The following TRANK1 variants were observed in gnomAD, a reference collection of about 807,000 sequenced individuals.
TRANK1 encodes tetratricopeptide repeat and ankyrin repeat containing 1, also known as TPR and ankyrin repeat-containing protein 1.
A neutral mutation model predicts 266.0 loss-of-function variants in TRANK1; 198 were observed. The observed-to-expected ratio is 0.74, with a 90% CI of 0.66 to 0.84. The LOEUF (loss-of-function observed/expected upper bound fraction) is 0.84. Among genes scored for constraint, TRANK1 ranks in the 40% least tolerant of loss-of-function variants. The pLI is 0.00. For synonymous variants in TRANK1, 1,396 were observed against 1,384.1 expected, an observed-to-expected ratio of 1.01 and a Z score of -0.19; for missense variants, 3,326 against 3,634.6, an observed-to-expected ratio of 0.92 and a Z score of 2.18.
Position 36,856,516 on chromosome 3 carries a change from A to G in TRANK1, c.3206T>C (p.Leu1069Pro), listed in dbSNP as rs777917766. 1 of 1,614,002 alleles carries G rather than the reference A, an allele frequency of 6.2e-7. No individual in the cohort carries two copies. Among genetic ancestry groups the G allele is most frequent in the South Asian group, 1.1e-5 (1 of 91,082 alleles). ...TCGCCCAATAAGGATGATGGGCTCCAGTGGCCTGGGATTGAGGTCGATCAC... is the reference window on the plus strand; with the variant it reads ...TCGCCCAATAAGGATGATGGGCTCCGGTGGCCTGGGATTGAGGTCGATCAC... ...YAVIDLNPRP[L>P]EPIILIGRSG... Residue 1069 changes from leucine (L) to proline (P), a missense_variant, in exon 13 of 24, where the codon CTG becomes CCG. By Grantham distance (98) the Leu-to-Pro change is moderately conservative (BLOSUM62 -3). Coordinates refer to ENST00000645898, the MANE Select transcript of TRANK1 (RefSeq NM_001329998.2).
rs578238004 is a variant in TRANK1, at chr3:36,900,399, G to C, written c.283-1140C>G. ...TCTACATTATAAGCAATATTCACGA[G>C]AGGCCAAAGAAATATTTGATTTCTA... On this transcript the variant is annotated intron_variant, in intron 3 of 23. Coordinates refer to ENST00000645898, the MANE Select transcript of TRANK1 (RefSeq NM_001329998.2). Among the ~76,000 whole-genome samples the C allele has an allele frequency of 1.9e-4, 29 of 152,212 alleles. No individual in the cohort carries two copies. In the South Asian group the frequency reaches 3.5e-3, roughly 19 times the overall value.
chr3:36,893,078 TA>T (rs201726297), intron 5 of TRANK1, 94 bp from the exon 6 acceptor site: 56 of 442,470 alleles, frequency 1.3e-4, no homozygotes, highest in Admixed American at 3.2e-4. Context: ...AACAAGCAAA[TA>T]AAAAAAAACC....
intron 8 of TRANK1, 65 bp downstream of exon 8, chr3:36,889,764 T>C (rs2079659976): frequency 2.0e-6 from 3 of 1,474,200 alleles, no homozygotes; most frequent in Non-Finnish European, 2.7e-6. Flanking sequence ...CAGTCGGTGG[T>C]GTGGGTCCTC....
chr3:36,897,049 C>T (rs1012503403), intron 4 of TRANK1, among the ~76,000 whole-genome samples: 6 of 152,096 alleles, frequency 3.9e-5, no homozygotes, highest in South Asian at 4.2e-4. Context: ...AGGCTGTAAT[C>T]CCAGCACTTT....
chr3:36,882,354 C>G (rs1575256975), intron 8 of TRANK1, among the ~76,000 whole-genome samples: 1 of 152,036 alleles, frequency 6.6e-6, no homozygotes, highest in Admixed American at 6.5e-5. Flanking sequence ...CATGAATAGG[C>G]AAAGAGATAA....
intron 1 of TRANK1, among the ~76,000 whole-genome samples, chr3:36,909,462 G>C (rs2080021085): frequency 6.6e-6 from 1 of 152,122 alleles, no homozygotes; most frequent in African/African-American, 2.4e-5. Context: ...GAAAAGGTGG[G>C]GGTCAGAGAA....
chr3:36,875,895 C>A (rs2079381449), intron 8 of TRANK1, among the ~76,000 whole-genome samples: 2 of 152,180 alleles, frequency 1.3e-5, no homozygotes, highest in South Asian at 4.1e-4. Flanking sequence ...GCCTTACAAT[C>A]ACAGAAATGT....
intron 9 of TRANK1, among the ~76,000 whole-genome samples, chr3:36,865,946 GAGAGAGAGAGACAGAGAGAGACAGAGAC>G (rs989699362): frequency 1.1e-4 from 16 of 150,620 alleles, no homozygotes; most frequent in Non-Finnish European, 2.1e-4. Context: ...AAAAAAGAGA[GAGAGAGAGAGACAGAGAGAGACAGAGAC>G]AGAGAGAGAG....
intron 1 of TRANK1, among the ~76,000 whole-genome samples, chr3:36,937,712 G>A (rs984227943): frequency 2.0e-5 from 3 of 152,188 alleles, no homozygotes; most frequent in African/African-American, 7.2e-5. Context: ...CTTGACTTAG[G>A]TATCTGTGCT....
intron 22 of TRANK1, 32 bp from the exon 23 acceptor site, chr3:36,829,694 A>C (rs1349953472): frequency 6.2e-7 from 1 of 1,605,528 alleles, no homozygotes; most frequent in Non-Finnish European, 8.5e-7. Context: ...GCTCTGAGTA[A>C]AGATGCCATT....
At chr3:36,890,772 T>A (rs1464317473) in intron 7 of TRANK1, among the ~76,000 whole-genome samples, 1 of 152,192 alleles carries the variant, frequency 6.6e-6, no homozygotes, top group Admixed American at 6.5e-5. Flanking sequence ...CTCTGCCAAC[T>A]CTTTGGATGC....
chr3:36,831,784 C>T lies in TRANK1; in HGVS notation c.7799G>A (p.Ser2600Asn), dbSNP rs776507501. 1.9e-6 allele frequency: 3 copies of T among 1,614,006 alleles called. No homozygotes were observed. The highest frequency in any genetic ancestry group is 1.7e-5 in the Admixed American group (1 of 60,034). ...GGGAACCTGGCCAGGGCAGTCCATG[C>T]TCATGAGCTGCAGCCTTGACTCAAT... ...REIESRLQLM[S>N]MDCPGQVPER... The change falls in exon 22 of 24, where the codon AGC (serine) becomes AAC (asparagine). Residue 2600 changes from serine to asparagine, a missense_variant. Ser to Asn is a conservative substitution (Grantham distance 46, BLOSUM62 1). Transcript: ENST00000645898. This position sits in a 1 kb window ranked among gnomAD's most constrained non-coding sequence, Gnocchi z 5.0.
intron 1 of TRANK1, among the ~76,000 whole-genome samples, chr3:36,916,098 G>C (rs2080120469): frequency 6.6e-6 from 1 of 152,154 alleles, no homozygotes; most frequent in Non-Finnish European, 1.5e-5. Flanking sequence ...ATACAATACA[G>C]AAGGCACTAG....
In TRANK1 at chr3:36,850,997, T is replaced by C. The variant is rs1201594542; in HGVS notation, c.4887+722A>G. 3.0e-6 allele frequency: 3 copies of C among 985,374 alleles called. No individual in the cohort carries two copies. In the South Asian group the frequency reaches 1.4e-4, roughly 46 times the overall value. 61.0% of individuals were successfully genotyped at this position (985,374 alleles called of 1,614,324 possible). On this transcript the variant is annotated intron_variant, in intron 15 of 23. Coordinates refer to ENST00000645898, the MANE Select transcript of TRANK1 (RefSeq NM_001329998.2). ...GCCAGCTTGAGTCTCCACCAAAAGATAGTGGGAAAGAGAAAACAGTGGCTA... is the reference window on the plus strand; with the variant it reads ...GCCAGCTTGAGTCTCCACCAAAAGACAGTGGGAAAGAGAAAACAGTGGCTA...
At chr3:36,920,892 G>A (rs2080204212) in intron 1 of TRANK1, among the ~76,000 whole-genome samples, 2 of 152,158 alleles carry the variant, frequency 1.3e-5, no homozygotes, top group Admixed American at 6.5e-5. Flanking sequence ...TTTCTTATTG[G>A]ATACAATGAG....
At chr3:36,941,735 G>A (rs1381781154) in intron 1 of TRANK1, among the ~76,000 whole-genome samples, 2 of 152,192 alleles carry the variant, frequency 1.3e-5, no homozygotes, top group African/African-American at 4.8e-5. Context: ...CCGACTATCA[G>A]TCTTTGCTGT....
In TRANK1 at chr3:36,856,093, A is replaced by T. The variant is rs757162421; in HGVS notation, c.3629T>A (p.Ile1210Asn). The change falls in exon 13 of 24, where the codon ATT becomes AAT. Residue 1210 changes from isoleucine (I) to asparagine (N), a missense_variant. Ile to Asn is a moderately radical substitution (Grantham distance 149). Coordinates refer to ENST00000645898, the MANE Select transcript of TRANK1 (RefSeq NM_001329998.2). Reference protein sequence around the residue: ...VLCQEVQRNFIELSKSTKATS... With the variant: ...VLCQEVQRNFNELSKSTKATS... ...GGCCTTGGTGGACTTGGAAAGCTCA[A>T]TGAAATTCCTTTGTACCTCCTGGCA... The T allele has an allele frequency of 6.2e-7, 1 of 1,613,702 alleles. No individual in the cohort carries two copies. Among genetic ancestry groups the T allele is most frequent in the African/African-American group, 1.3e-5 (1 of 74,834 alleles).
intron 14 of TRANK1, 106 bp from the exon 15 acceptor site, chr3:36,851,962 T>C (rs866059931): frequency 1.5e-5 from 22 of 1,446,932 alleles, no homozygotes; most frequent in Middle Eastern, 3.6e-4. Context: ...ATGGCCAGCA[T>C]AAACATGGTC....
intron 9 of TRANK1, among the ~76,000 whole-genome samples, chr3:36,866,966 G>A (rs1224786370): frequency 6.6e-6 from 1 of 152,118 alleles, no homozygotes; most frequent in African/African-American, 2.4e-5. Context: ...CTAATCAAGA[G>A]ACGTTCAGGT....
Sources: allele counts gnomAD v4.1 joint callset (sites outside exome capture counted in the v4.1 genomes callset), GRCh38; gene constraint gnomAD v4.1.1; non-coding constraint Gnocchi (gnomAD v3.1); transcripts MANE v1.5; gene names NCBI Gene and HGNC (gene_info 2026-07-23, HGNC 2026-07-21).